ABTB3: variants seen among roughly 807,000 people sequenced by gnomAD.
ABTB3 encodes ankyrin repeat- and BTB/POZ domain-containing protein 3.
the ABTB3 span, among the ~76,000 whole-genome samples, chr12:107,325,615 G>A: frequency 0.08 from 12,108 of 152,232 alleles, 609 homozygotes; most frequent in East Asian, 0.21. Context: ...AAGACCTAGG[G>A]TCAAGGGTGG....
chr12:107,386,342 TC>T, the ABTB3 span, among the ~76,000 whole-genome samples: 2 of 152,202 alleles, frequency 1.3e-5, no homozygotes, highest in Non-Finnish European at 1.5e-5. Context: ...CAAATAACCA[TC>T]CTTACATGCC....
At chr12:107,378,985 C>G in the ABTB3 span, among the ~76,000 whole-genome samples, 2 of 152,176 alleles carry the variant, frequency 1.3e-5, no homozygotes, top group African/African-American at 4.8e-5. Context: ...TTGCTCACAG[C>G]AGCAGGCAGT....
At chr12:107,493,492 C>T in the ABTB3 span, among the ~76,000 whole-genome samples, 1 of 152,288 alleles carries the variant, frequency 6.6e-6, no homozygotes, top group Middle Eastern at 3.4e-3. Context: ...CAGAGGCCGG[C>T]CCCTCTTTCA....
chr12:107,458,766 T>A, the ABTB3 span, among the ~76,000 whole-genome samples: 1 of 151,984 alleles, frequency 6.6e-6, no homozygotes, highest in Non-Finnish European at 1.5e-5. Flanking sequence ...TGTCCCCAGC[T>A]CTCCTCACCA....
chr12:107,499,133 C>T, the ABTB3 span, among the ~76,000 whole-genome samples: 3 of 152,170 alleles, frequency 2.0e-5, no homozygotes, highest in African/African-American at 7.2e-5. Context: ...ATGTTAGTGG[C>T]TGACTCGGGG....
At chr12:107,464,698 G>A in the ABTB3 span, among the ~76,000 whole-genome samples, 2 of 152,166 alleles carry the variant, frequency 1.3e-5, no homozygotes, top group African/African-American at 4.8e-5. Flanking sequence ...AGAGGGAGCA[G>A]CAGGTGCTAA....
At chr12:107,653,963 C>T in the ABTB3 span, among the ~76,000 whole-genome samples, 7 of 152,154 alleles carry the variant, frequency 4.6e-5, no homozygotes, top group Admixed American at 6.5e-5. Flanking sequence ...CCCCCAGGCC[C>T]GGGTATTTAC....
the ABTB3 span, among the ~76,000 whole-genome samples, chr12:107,352,208 G>A: frequency 6.6e-6 from 1 of 152,118 alleles, no homozygotes; most frequent in Non-Finnish European, 1.5e-5. Flanking sequence ...CTAGGACTTT[G>A]TGGGGTCAGG....
At chr12:107,513,056 G>C in the ABTB3 span, among the ~76,000 whole-genome samples, 6 of 152,188 alleles carry the variant, frequency 3.9e-5, no homozygotes, top group Non-Finnish European at 4.4e-5. Flanking sequence ...CCTAATAAAT[G>C]TTGGATTTCC....
the ABTB3 span, among the ~76,000 whole-genome samples, chr12:107,621,915 G>A: frequency 1.3e-5 from 2 of 152,296 alleles, no homozygotes; most frequent in African/African-American, 4.8e-5. Flanking sequence ...CAGAAGTGGT[G>A]GGTGCTCCCA....
the ABTB3 span, among the ~76,000 whole-genome samples, chr12:107,497,664 A>G: frequency 1.3e-5 from 2 of 152,364 alleles, no homozygotes; most frequent in African/African-American, 4.8e-5. Flanking sequence ...TGGATGATGG[A>G]TGATGAGGCA....
chr12:107,638,942 A>C, the ABTB3 span, among the ~76,000 whole-genome samples: 2 of 152,188 alleles, frequency 1.3e-5, no homozygotes, highest in Non-Finnish European at 2.9e-5. Flanking sequence ...ATGGACAGAC[A>C]TGGATACATC....
the ABTB3 span, among the ~76,000 whole-genome samples, chr12:107,610,635 C>T: frequency 1.3e-5 from 2 of 152,152 alleles, no homozygotes; most frequent in African/African-American, 2.4e-5. Flanking sequence ...ATGCCATCAC[C>T]GTGTAACCAT....
chr12:107,492,349 G>A, the ABTB3 span, among the ~76,000 whole-genome samples: 1 of 152,132 alleles, frequency 6.6e-6, no homozygotes, highest in Non-Finnish European at 1.5e-5. Context: ...CCAGGCGCTT[G>A]CCACACCCCT....
At chr12:107,400,260 A>G in the ABTB3 span, among the ~76,000 whole-genome samples, 16 of 152,188 alleles carry the variant, frequency 1.1e-4, no homozygotes, top group Admixed American at 1.0e-3. Context: ...AACTTACTCG[A>G]TGATATGTAT....
the ABTB3 span, among the ~76,000 whole-genome samples, chr12:107,476,530 A>G: frequency 2.0e-5 from 3 of 152,084 alleles, no homozygotes; most frequent in African/African-American, 2.4e-5. Flanking sequence ...GCAGAAATGT[A>G]GTAAGTACAA....
At chr12:107,527,225 C>T in the ABTB3 span, among the ~76,000 whole-genome samples, 1 of 152,006 alleles carries the variant, frequency 6.6e-6, no homozygotes. Flanking sequence ...TTTCTGTCTC[C>T]CCCACCAAGA....
the ABTB3 span, among the ~76,000 whole-genome samples, chr12:107,333,684 C>T: frequency 6.6e-6 from 1 of 151,736 alleles, no homozygotes; most frequent in Admixed American, 6.6e-5. Context: ...TATCGAGAGC[C>T]TACTATATAC....
At chr12:107,610,045 G>A in the ABTB3 span, 42 of 897,194 alleles carry the variant, frequency 4.7e-5, no homozygotes, top group Admixed American at 1.0e-4. Flanking sequence ...AGAGACATCC[G>A]GAGGCCATCA....
Sources: allele counts gnomAD v4.1 joint callset (sites outside exome capture counted in the v4.1 genomes callset), GRCh38; gene constraint gnomAD v4.1.1; transcripts MANE v1.5; gene names NCBI Gene and HGNC (gene_info 2026-07-23, HGNC 2026-07-21).